ASXL1: variants seen among roughly 807,000 people sequenced by gnomAD.
ASXL1 encodes the protein ASXL transcriptional regulator 1, also known as polycomb group protein ASXL1.
In ASXL1, 65 loss-of-function variants were observed where a neutral mutation model predicts 89.1. That is an observed-to-expected ratio of 0.73 (90% CI 0.60 to 0.90). The LOEUF (loss-of-function observed/expected upper bound fraction) is 0.90. ASXL1 is among the 40% of genes least tolerant of loss of function. ASXL1 has a pLI of 0.00. For missense variants in ASXL1, 1,786 were observed against 1,942.9 expected, an observed-to-expected ratio of 0.92 and a Z score of 1.52; for synonymous variants, 739 against 746.9, an observed-to-expected ratio of 0.99 and a Z score of 0.17.
chr20:32,432,946 A>G lies in ASXL1; in HGVS notation c.1046A>G (p.Gln349Arg), dbSNP rs1164335635. Residue 349 changes from glutamine (Q) to arginine (R), a missense_variant, in exon 11 of 13, where the codon CAA becomes CGA. Physicochemically the swap from Gln to Arg is conservative, Grantham distance 43 (BLOSUM62 1). Around this residue, in one of 3 missense-constraint regions of ASXL1, gnomAD observed 1,418 missense variants for 1,427.8 expected, o/e 0.99. Transcript: ENST00000375687. The stretch of plus-strand genomic sequence containing the variant: ...ATGGAGAAGGAAAAGAAGGTGGAAC[A>G]ATGGAAAGAAAAGTTCTTTGAAGAC... ...QEMEKEKKVE[Q>R]WKEKFFEDYY... 10 of 1,613,928 alleles carry G rather than the reference A, an allele frequency of 6.2e-6. No homozygotes were observed. The highest frequency in any genetic ancestry group is 5.9e-6 in the Non-Finnish European group (7 of 1,180,026).
chr20:32,414,119 T>TG (rs982670183), intron 4 of ASXL1, among the ~76,000 whole-genome samples: 1 of 152,200 alleles, frequency 6.6e-6, no homozygotes, highest in African/African-American at 2.4e-5. Context: ...TCCTGTGTTT[T>TG]GAGATTTCAT....
chr20:32,433,740 T>C lies in ASXL1; in HGVS notation c.1542T>C (p.Thr514=), dbSNP rs756674309. The C allele has an allele frequency of 6.2e-7, 1 of 1,613,924 alleles. No homozygotes were observed. ...GAATTCCTAGCCTGCCTCAGGAAAC[T>C]GTGGATCAGGAACCCAAGGATCAGA... ...PDRIPSLPQE[T]VDQEPKDQKR... is the part of the protein sequence containing the mutation. Residue 514 remains threonine (T), a synonymous_variant, in exon 12 of 13, where the codon ACT becomes ACC. Coordinates refer to ENST00000375687, the MANE Select transcript of ASXL1 (RefSeq NM_015338.6).
chr20:32,434,224 A>G, intron 12 of ASXL1: 1 of 716,144 alleles, frequency 1.4e-6, no homozygotes, highest in Non-Finnish European at 2.3e-6. Context: ...TTAAATTTAG[A>G]AGTGTGGCAT....
At position 32,358,348 on chromosome 20, in the gene ASXL1, C is replaced by A; in HGVS notation, c.-428C>A. 1 of 234,114 alleles carries A rather than the reference C, an allele frequency of 4.3e-6. No homozygotes were observed. Among genetic ancestry groups the A allele is most frequent in the Non-Finnish European group, 8.4e-6 (1 of 119,262 alleles). 14.5% of individuals were successfully genotyped at this position (234,114 alleles called of 1,614,324 possible). On this transcript the variant is annotated 5_prime_UTR_variant, in exon 1 of 13. Transcript: ENST00000375687. ...CACTCTTCACACACACTCACACACA[C>A]CCACGGCAGACACGCACGCACCCGG...
intron 2 of ASXL1, 180 bp downstream of exon 2, chr20:32,366,646 C>T: frequency 1.2e-6 from 1 of 856,368 alleles, no homozygotes; most frequent in Non-Finnish European, 1.4e-6. Context: ...AGTGGGTGAA[C>T]ATCCATTTGT....
chr20:32,406,778 G>A (rs1426872784), intron 4 of ASXL1, among the ~76,000 whole-genome samples: 1 of 152,030 alleles, frequency 6.6e-6, no homozygotes, highest in Non-Finnish European at 1.5e-5. Flanking sequence ...TCAATACTCT[G>A]TCCTTTGTCA....
intron 4 of ASXL1, among the ~76,000 whole-genome samples, chr20:32,377,970 C>CTGTGTGTGTGTG (rs1361008874): frequency 1.7e-5 from 1 of 59,714 alleles, no homozygotes; most frequent in Admixed American, 2.2e-4. Flanking sequence ...AAAGTTTTGA[C>CTGTGTGTGTGTG]TCTGTGTGTG....
At chr20:32,417,695 T>A (rs1569302844) in intron 4 of ASXL1, among the ~76,000 whole-genome samples, 1 of 152,194 alleles carries the variant, frequency 6.6e-6, no homozygotes, top group Non-Finnish European at 1.5e-5. Context: ...TTAAACTTTC[T>A]GTATACTTTA....
At chr20:32,359,901 T>TC (rs2048081930) in intron 1 of ASXL1, 1 of 711,910 alleles carries the variant, frequency 1.4e-6, no homozygotes, top group Non-Finnish European at 2.6e-6. Context: ...AGATGTCAGT[T>TC]CCTAAGATCT....
intron 4 of ASXL1, among the ~76,000 whole-genome samples, chr20:32,370,743 G>A (rs2048287831): frequency 6.6e-6 from 1 of 152,050 alleles, no homozygotes; most frequent in Non-Finnish European, 1.5e-5. Context: ...GGGGTCAGAT[G>A]TCTGTGCTGT....
At chr20:32,371,730 C>A (rs565957965) in intron 4 of ASXL1, 3 of 436,872 alleles carry the variant, frequency 6.9e-6, no homozygotes, top group Non-Finnish European at 1.4e-5. Context: ...CTCAGCCTCC[C>A]GAGTAGCGTA....
At position 32,437,388 on chromosome 20, in the gene ASXL1, AATG is replaced by A. The variant is rs1169320421; in HGVS notation, c.*53_*55del. On this transcript the variant is annotated 3_prime_UTR_variant, in exon 13 of 13. Transcript: ENST00000375687. ...GTATATTTAGTGTGTGTATTTTGATAATGATTGATCTTAAATCTGTATACAGAA... is the reference window on the plus strand; with the variant it reads ...GTATATTTAGTGTGTGTATTTTGATAATTGATCTTAAATCTGTATACAGAA... 4 of 1,594,668 alleles carry A rather than the reference AATG, an allele frequency of 2.5e-6. No individual in the cohort carries two copies. The highest frequency in any genetic ancestry group is 3.4e-6 in the Non-Finnish European group (4 of 1,162,760).
At chr20:32,382,230 C>T (rs1600498180) in intron 4 of ASXL1, among the ~76,000 whole-genome samples, 1 of 152,130 alleles carries the variant, frequency 6.6e-6, no homozygotes, top group Non-Finnish European at 1.5e-5. Context: ...CCGCCTTGAC[C>T]TCCCGAAGTC....
chr20:32,358,876 G>T, intron 1 of ASXL1, 44 bp downstream of exon 1: 4 of 1,459,852 alleles, frequency 2.7e-6, no homozygotes, highest in Non-Finnish European at 3.6e-6. Context: ...CCCGGGGTGG[G>T]GGGGGCTCGC....
chr20:32,383,470 C>A (rs893448276), intron 4 of ASXL1, among the ~76,000 whole-genome samples: 2 of 152,048 alleles, frequency 1.3e-5, no homozygotes, highest in Non-Finnish European at 2.9e-5. Flanking sequence ...CCATGCCCGG[C>A]TAATTTTTTT....
chr20:32,370,343 C>G (rs2048281630), intron 4 of ASXL1, among the ~76,000 whole-genome samples: 1 of 151,712 alleles, frequency 6.6e-6, no homozygotes, highest in African/African-American at 2.4e-5. Context: ...CTGTCTTTGT[C>G]TTAACCACTC....
rs767111913 is a variant in ASXL1, at chr20:32,431,565, C to T, written c.883-18C>T. ...TAAGTTTATTTATTAGGATTTTTTT[C>T]CCCCTTGATCCTTCTAGGTGGGGAC... On this transcript the variant is annotated intron_variant, in intron 9 of 12. Coordinates refer to ENST00000375687, the MANE Select transcript of ASXL1 (RefSeq NM_015338.6). The T allele has an allele frequency of 1.5e-5, 24 of 1,614,082 alleles. No homozygotes were observed. The South Asian group carries it at 2.0e-4, about 13-fold the overall frequency.
At position 32,426,541 on chromosome 20, in the gene ASXL1, C is replaced by CTTT. The variant is rs1014372390; in HGVS notation, c.253-1581_253-1579dup. Reference sequence around the variant, plus strand: ...AGGTAAAGATGTAGAAAACTGTTTTCTTTTTTTTCTTTCTTTTTTTTTTTT... The same window carrying CTTT: ...AGGTAAAGATGTAGAAAACTGTTTTCTTTTTTTTTTTCTTTCTTTTTTTTTTTT... On this transcript the variant is annotated intron_variant, in intron 4 of 12. Coordinates refer to ENST00000375687, the MANE Select transcript of ASXL1 (RefSeq NM_015338.6). Among the ~76,000 whole-genome samples the CTTT allele has an allele frequency of 6.7e-3, 621 of 92,456 alleles. 118 individuals are homozygous for CTTT. The highest frequency in any genetic ancestry group is 0.025 in the East Asian group (46 of 1,872). 60.7% of individuals were successfully genotyped at this position (92,456 alleles called of 152,430 possible).
At chr20:32,367,373 G>T (rs2048223241) in intron 2 of ASXL1, among the ~76,000 whole-genome samples, 1 of 152,084 alleles carries the variant, frequency 6.6e-6, no homozygotes, top group Non-Finnish European at 1.5e-5. Flanking sequence ...GAATAAGACT[G>T]CATCTCAAAA....
Sources: allele counts gnomAD v4.1 joint callset (sites outside exome capture counted in the v4.1 genomes callset), GRCh38; gene constraint gnomAD v4.1.1; regional missense constraint gnomAD v4.1.1; transcripts MANE v1.5; gene names NCBI Gene and HGNC (gene_info 2026-07-23, HGNC 2026-07-21).